Variants in LRATD1 observed in about 807,000 individuals in gnomAD.
The protein encoded by LRATD1 is protein LRATD1.
In LRATD1, 8 loss-of-function variants were observed where a neutral mutation model predicts 21.3. The observed-to-expected ratio is 0.38, with a 90% CI of 0.22 to 0.68. The LOEUF (loss-of-function observed/expected upper bound fraction) is 0.68, where lower values mean the gene tolerates loss of function less well. Among genes scored for constraint, LRATD1 ranks in the 30% least tolerant of loss-of-function variants. The pLI, the probability that LRATD1 is intolerant of heterozygous loss-of-function variation, is 0.54. For missense variants in LRATD1, 380 were observed against 404.0 expected (o/e 0.94, Z 0.51); for synonymous variants, 210 against 186.2 (o/e 1.13, Z -1.04).
downstream of LRATD1, chr2:14,649,763 GT>G (rs569661744): frequency 2.0e-3 from 312 of 156,150 alleles, no homozygotes; most frequent in African/African-American, 7.1e-3. Flanking sequence ...GTAGGCTGTG[GT>G]CTGAATCTTT....
At chr2:14,642,717 C>A (rs1266701520), downstream of LRATD1, among the ~76,000 whole-genome samples, 1 of 152,108 alleles carries the variant, frequency 6.6e-6, no homozygotes, top group Non-Finnish European at 1.5e-5. Context: ...GAAAAACAGC[C>A]TCCTTTGATT....
At position 14,634,184 on chromosome 2, in the gene LRATD1, A is replaced by AGCC; in HGVS notation, c.209_211dup (p.Arg70dup). 1.2e-6 allele frequency: 2 copies of AGCC among 1,613,174 alleles called. No individual in the cohort carries two copies. Among genetic ancestry groups the AGCC allele is most frequent in the Non-Finnish European group, 1.7e-6 (2 of 1,179,804 alleles). On this transcript the variant is annotated inframe_insertion, in exon 2 of 2. Coordinates refer to ENST00000295092, the MANE Select transcript of LRATD1 (RefSeq NM_145175.4). The stretch of plus-strand genomic sequence containing the variant: ...TTGCACCCCCTGCCCGGAGAGCCCC[A>AGCC]GCCGCCACCACCACCACCTGCTGCA...
chr2:14,650,482 G>C (rs1459194118), downstream of LRATD1: 1 of 152,120 alleles, frequency 6.6e-6, no homozygotes, highest in African/African-American at 2.4e-5. Context: ...GAAAATGCAG[G>C]AAGAAAGAAA....
At chr2:14,641,918 C>A (rs982182662), downstream of LRATD1, 1 of 152,164 alleles carries the variant, frequency 6.6e-6, no homozygotes, top group Non-Finnish European at 1.5e-5. Context: ...TTTGTTAGCA[C>A]CCCCAGACTC....
At chr2:14,649,217 GA>G (rs1671959060) in intron 4 of LRATD1, 8 of 451,954 alleles carry the variant, frequency 1.8e-5, no homozygotes, top group Admixed American at 1.7e-4. Flanking sequence ...GGGATGTGGA[GA>G]GGATGGTGGA....
downstream of LRATD1, among the ~76,000 whole-genome samples, chr2:14,643,737 C>T (rs968139764): frequency 7.2e-5 from 11 of 152,204 alleles, no homozygotes; most frequent in Admixed American, 1.3e-4. Flanking sequence ...CCAAATTCAT[C>T]CTCTCCCATT....
chr2:14,651,202 C>CT (rs535197140), downstream of LRATD1, among the ~76,000 whole-genome samples: 4 of 150,948 alleles, frequency 2.6e-5, no homozygotes, highest in Admixed American at 6.6e-5. Flanking sequence ...CATATTGTTT[C>CT]TTTTTTTTTC....
At position 14,638,326 on chromosome 2, in the gene LRATD1, C is replaced by G. The variant is rs994412681; in HGVS notation, c.*3468C>G. On this transcript the variant is annotated 3_prime_UTR_variant, in exon 2 of 2. Coordinates refer to ENST00000295092, the MANE Select transcript of LRATD1 (RefSeq NM_145175.4). The stretch of plus-strand genomic sequence containing the variant: ...TTAATAATGTAAGCTGTTGTCATGA[C>G]AGTATTTTTTAAAAATAATAACGTA... 3 of 165,448 alleles carry G rather than the reference C, an allele frequency of 1.8e-5. No homozygotes were observed. The highest frequency in any genetic ancestry group is 7.3e-5 in the African/African-American group (3 of 40,878). 10.2% of individuals were successfully genotyped at this position (165,448 alleles called of 1,614,324 possible). A position where few individuals can be genotyped will look rare whatever the true frequency, so the allele number is the denominator to read the frequency against.
rs1470808204 is a variant in LRATD1, at chr2:14,637,512, C to G, written c.*2654C>G. ...AAGGATCAGGTTGATGATAATACCTCTAAAAATATGCAATAATAAAACAAT... is the reference window on the plus strand; with the variant it reads ...AAGGATCAGGTTGATGATAATACCTGTAAAAATATGCAATAATAAAACAAT... On this transcript the variant is annotated 3_prime_UTR_variant, in exon 2 of 2. Coordinates refer to ENST00000295092, the MANE Select transcript of LRATD1 (RefSeq NM_145175.4). 6.0e-6 allele frequency: 1 copy of G among 166,898 alleles called. No homozygotes were observed. The highest frequency in any genetic ancestry group is 2.4e-5 in the African/African-American group (1 of 41,440). The allele number at this position is 166,898 out of a possible 1,614,324, so 10.3% of individuals were successfully genotyped here. A position where few individuals can be genotyped will look rare whatever the true frequency, so the allele number is the denominator to read the frequency against.
At chr2:14,644,475 T>C (rs1671861984), downstream of LRATD1, among the ~76,000 whole-genome samples, 3 of 152,216 alleles carry the variant, frequency 2.0e-5, no homozygotes, top group African/African-American at 4.8e-5. Context: ...TTTGGTCTTA[T>C]GAAGTCTGTA....
rs754922303 is a variant in LRATD1 at position 14,634,485 on chromosome 2, C to T, written c.506C>T (p.Ala169Val). Residue 169 changes from alanine to valine, a missense_variant, in exon 2 of 2, where the codon GCG becomes GTG. Physicochemically the swap from Ala to Val is moderately conservative, Grantham distance 64 (BLOSUM62 0). Transcript: ENST00000295092. Reference protein sequence around the residue: ...GEIRQDSLYEAGAANVGRVVN... With the variant: ...GEIRQDSLYEVGAANVGRVVN... ...ATCCGCCAGGACAGCCTGTATGAGG[C>T]GGGCGCGGCCAACGTGGGCCGGGTG... 2.0e-6 allele frequency: 3 copies of T among 1,510,422 alleles called. No individual in the cohort carries two copies. Among genetic ancestry groups the T allele is most frequent in the South Asian group, 2.7e-5 (2 of 74,902 alleles). The allele number at this position is 1,510,422 out of a possible 1,614,324, so 93.6% of individuals were successfully genotyped here.
rs550942143 is a variant in LRATD1, at chr2:14,635,727, A to G, written c.*869A>G. On this transcript the variant is annotated 3_prime_UTR_variant, in exon 2 of 2. Coordinates refer to ENST00000295092, the MANE Select transcript of LRATD1 (RefSeq NM_145175.4). ...GAACTTGAATGTGTGAAGGGCGCTT[A>G]TTGTTCTGAACCCTTGATTGCTCCC... 27 of 426,868 alleles carry G rather than the reference A, an allele frequency of 6.3e-5. No individual in the cohort carries two copies. In the East Asian group the frequency reaches 1.8e-3, roughly 29 times the overall value. The allele number at this position is 426,868 out of a possible 1,614,324, so 26.4% of individuals were successfully genotyped here. A position where few individuals can be genotyped will look rare whatever the true frequency, so the allele number is the denominator to read the frequency against.
chr2:14,642,163 A>C (rs1457467247), downstream of LRATD1: 1 of 152,618 alleles, frequency 6.6e-6, no homozygotes, highest in Admixed American at 6.5e-5. Flanking sequence ...AACTTATACG[A>C]GATTCTCCTT....
At position 14,632,777 on chromosome 2, in the gene LRATD1, G is replaced by C. The variant is rs1671581556; in HGVS notation, c.-197G>C. 6.6e-6 allele frequency: 1 copy of C among 152,428 alleles called. No individual in the cohort carries two copies. The allele number at this position is 152,428 out of a possible 1,614,324, so 9.4% of individuals were successfully genotyped here. On this transcript the variant is annotated 5_prime_UTR_variant, in exon 1 of 2. Coordinates refer to ENST00000295092, the MANE Select transcript of LRATD1 (RefSeq NM_145175.4). The stretch of plus-strand genomic sequence containing the variant: ...AGGCGCCCCGGCCAGCGCAGACCTG[G>C]AGGCGCACGGGCGCCGCACCGCACG...
intron 4 of LRATD1, among the ~76,000 whole-genome samples, chr2:14,646,870 C>T (rs1467298208): frequency 6.6e-6 from 1 of 152,168 alleles, no homozygotes; most frequent in African/African-American, 2.4e-5. Context: ...ATCTGGTATC[C>T]ATTTCTAAAT....
At chr2:14,651,111 G>C (rs1671998925), downstream of LRATD1, among the ~76,000 whole-genome samples, 1 of 151,870 alleles carries the variant, frequency 6.6e-6, no homozygotes, top group African/African-American at 2.4e-5. Context: ...CTCTTTATTT[G>C]TACATGGTCA....
chr2:14,644,765 G>A (rs1196948033), downstream of LRATD1, among the ~76,000 whole-genome samples: 2 of 152,024 alleles, frequency 1.3e-5, no homozygotes, highest in Non-Finnish European at 2.9e-5. Flanking sequence ...GAGAGAGGCC[G>A]AGCTGATAGA....
chr2:14,643,530 A>C (rs1671840387), downstream of LRATD1, among the ~76,000 whole-genome samples: 1 of 152,036 alleles, frequency 6.6e-6, no homozygotes, highest in Non-Finnish European at 1.5e-5. Flanking sequence ...TGGACCACCT[A>C]CCTTTCCCCA....
At chr2:14,646,986 A>C (rs1179270968) in intron 4 of LRATD1, among the ~76,000 whole-genome samples, 1 of 152,206 alleles carries the variant, frequency 6.6e-6, no homozygotes, top group Non-Finnish European at 1.5e-5. Context: ...GGTATATGGG[A>C]AAGGACATTG....
Sources: gnomAD v4.1 joint callset for allele counts (sites outside exome capture counted in the v4.1 genomes callset) on GRCh38, gnomAD v4.1.1 for gene constraint, MANE v1.5 for transcripts, NCBI Gene and HGNC (gene_info 2026-07-23, HGNC 2026-07-21) for gene names.